The following BMPR2 variants were observed in gnomAD, a reference collection of about 807,000 sequenced individuals.
BMPR2 encodes the protein bone morphogenetic protein receptor type-2.
BMPR2 carries 29 observed loss-of-function variants against 100.8 expected under a neutral mutation model. The observed-to-expected ratio is 0.29, with a 90% CI of 0.21 to 0.39. BMPR2 has a LOEUF of 0.39. BMPR2 is among the 10% of genes least tolerant of loss of function. BMPR2 has a pLI of 1.00. For missense variants in BMPR2, 1,011 were observed against 1,274.5 expected, an observed-to-expected ratio of 0.79 and a Z score of 3.15; for synonymous variants, 382 against 442.3, an observed-to-expected ratio of 0.86 and a Z score of 1.71.
chr2:202,532,460 TA>T lies in BMPR2; in HGVS notation c.1129-123del. 1 of 1,201,216 alleles carries T rather than the reference TA, an allele frequency of 8.3e-7. No individual in the cohort carries two copies. Among genetic ancestry groups the T allele is most frequent in the East Asian group, 2.5e-5 (1 of 39,728 alleles). 74.4% of individuals were successfully genotyped at this position (1,201,216 alleles called of 1,614,324 possible). A position where few individuals can be genotyped will look rare whatever the true frequency, so the allele number is the denominator to read the frequency against. On this transcript the variant is annotated intron_variant, in intron 8 of 12. Coordinates refer to ENST00000374580, the MANE Select transcript of BMPR2 (RefSeq NM_001204.7). The surrounding 1 kb of genome is among the most constrained non-coding windows in gnomAD (Gnocchi z 4.1). ...GTAAAAAATAAGTTATAGAAAGGTT[TA>T]ATGACATGGTTAGGGTCAAATAACA...
intron 1 of BMPR2, among the ~76,000 whole-genome samples, chr2:202,435,122 G>A (rs1027983685): frequency 1.4e-5 from 2 of 144,694 alleles, no homozygotes; most frequent in Non-Finnish European, 3.0e-5. Flanking sequence ...CACTTTGGGA[G>A]GCCAAGGCAG....
chr2:202,450,457 C>T (rs183628891), intron 1 of BMPR2, among the ~76,000 whole-genome samples: 4 of 152,022 alleles, frequency 2.6e-5, no homozygotes, highest in Admixed American at 1.3e-4. Context: ...TTTGGGAGGC[C>T]GAGGCAGGTG....
intron 1 of BMPR2, among the ~76,000 whole-genome samples, chr2:202,382,631 C>G: frequency 6.6e-6 from 1 of 152,140 alleles, no homozygotes; most frequent in East Asian, 1.9e-4. Context: ...GAATTTCAAC[C>G]AGGAATATTC....
At chr2:202,398,418 A>C (rs1167709831) in intron 1 of BMPR2, among the ~76,000 whole-genome samples, 2 of 152,240 alleles carry the variant, frequency 1.3e-5, no homozygotes, top group African/African-American at 4.8e-5. Flanking sequence ...TGTGAAGCAA[A>C]TCGTGTGCTG....
intron 3 of BMPR2, among the ~76,000 whole-genome samples, chr2:202,510,767 GCCT>G (rs1035483795): frequency 6.6e-5 from 10 of 151,690 alleles, no homozygotes; most frequent in Non-Finnish European, 1.5e-4. Flanking sequence ...TACAATCTCT[GCCT>G]CCTGGGTTCA....
At position 202,564,520 on chromosome 2, in the gene BMPR2, G is replaced by A. The variant is rs1160838629; in HGVS notation, c.*4574G>A. On this transcript the variant is annotated 3_prime_UTR_variant, in exon 13 of 13. Coordinates refer to ENST00000374580, the MANE Select transcript of BMPR2 (RefSeq NM_001204.7). ...TGGCAGTTTACTCTCCAGCATATAA[G>A]GTTGCATTTTAACTTTTAGATTATG... 5 of 152,100 alleles carry A rather than the reference G, an allele frequency of 3.3e-5. No homozygotes were observed. The highest frequency in any genetic ancestry group is 7.4e-5 in the Non-Finnish European group (5 of 68,014). The allele number at this position is 152,100 out of a possible 1,614,324, so 9.4% of individuals were successfully genotyped here.
chr2:202,392,284 T>A (rs1358708368), intron 1 of BMPR2, among the ~76,000 whole-genome samples: 1 of 151,928 alleles, frequency 6.6e-6, no homozygotes, highest in Non-Finnish European at 1.5e-5. Context: ...TTGTCCAGGC[T>A]GGTCTGGAAC....
chr2:202,497,785 C>A (rs1458175029), intron 3 of BMPR2, among the ~76,000 whole-genome samples: 1 of 152,182 alleles, frequency 6.6e-6, no homozygotes, highest in Admixed American at 6.5e-5. Flanking sequence ...AAAATTGCTA[C>A]CTGTCTCTGG....
At chr2:202,517,567 G>T (rs898314803) in intron 5 of BMPR2, among the ~76,000 whole-genome samples, 1 of 151,776 alleles carries the variant, frequency 6.6e-6, no homozygotes, top group Non-Finnish European at 1.5e-5. Context: ...GGCCAGGCTG[G>T]TCTCAAACTC....
rs540315887 is a variant in BMPR2 at position 202,388,880 on chromosome 2, A to C, written c.76+11330A>C. Among the ~76,000 whole-genome samples, 27 of 151,946 alleles carry C rather than the reference A, an allele frequency of 1.8e-4. No individual in the cohort carries two copies. In the South Asian group the frequency reaches 5.6e-3, roughly 32 times the overall value. ...GCTTTATATTTCACATTACCCTTTT[A>C]ATGAAAATAGATTAAATTCAGTAAC... is the stretch of plus-strand genomic sequence containing the variant. On this transcript the variant is annotated intron_variant, in intron 1 of 12. Transcript: ENST00000374580.
intron 1 of BMPR2, among the ~76,000 whole-genome samples, chr2:202,461,977 C>A (rs1692234121): frequency 6.6e-6 from 1 of 152,008 alleles, no homozygotes; most frequent in South Asian, 2.1e-4. Context: ...AGGTTTGTTA[C>A]ATATGTGTGT....
intron 1 of BMPR2, among the ~76,000 whole-genome samples, chr2:202,460,110 CAT>C (rs1292595999): frequency 3.9e-5 from 6 of 152,168 alleles, no homozygotes; most frequent in African/African-American, 1.4e-4. Context: ...CAAAAAATAA[CAT>C]ATGCCAGGAA....
At chr2:202,448,191 T>C (rs1691893346) in intron 1 of BMPR2, among the ~76,000 whole-genome samples, 1 of 150,846 alleles carries the variant, frequency 6.6e-6, no homozygotes, top group Non-Finnish European at 1.5e-5. Flanking sequence ...GGCTCAAGCC[T>C]CTAATCCCAG....
intron 1 of BMPR2, among the ~76,000 whole-genome samples, chr2:202,446,974 A>G (rs1201088962): frequency 6.7e-6 from 1 of 148,814 alleles, no homozygotes; most frequent in African/African-American, 2.6e-5. Context: ...ATGCAGTTAC[A>G]TTATGCTGGT....
At chr2:202,395,167 C>T (rs551551292) in intron 1 of BMPR2, among the ~76,000 whole-genome samples, 1 of 152,322 alleles carries the variant, frequency 6.6e-6, no homozygotes, top group Non-Finnish European at 1.5e-5. Context: ...CAGGCATGCG[C>T]CACCACGCCT....
At chr2:202,475,811 C>A (rs1574468224) in intron 3 of BMPR2, among the ~76,000 whole-genome samples, 1 of 152,112 alleles carries the variant, frequency 6.6e-6, no homozygotes. Flanking sequence ...TGGCTCACGC[C>A]TGTAATCCCA....
chr2:202,413,810 G>T (rs545633276), intron 1 of BMPR2, among the ~76,000 whole-genome samples: 1 of 152,032 alleles, frequency 6.6e-6, no homozygotes, highest in African/African-American at 2.4e-5. Flanking sequence ...GACCACAGGC[G>T]TGCACTGCCA....
chr2:202,378,840 G>T (rs945779401), intron 1 of BMPR2, among the ~76,000 whole-genome samples: 1 of 152,024 alleles, frequency 6.6e-6, no homozygotes, highest in Non-Finnish European at 1.5e-5. Flanking sequence ...AAGCCATGTG[G>T]TTCCTGTAAA....
At chr2:202,427,321 C>T (rs1182557997) in intron 1 of BMPR2, among the ~76,000 whole-genome samples, 2 of 139,132 alleles carry the variant, frequency 1.4e-5, no homozygotes, top group Non-Finnish European at 3.0e-5. Flanking sequence ...GATCGCGCCA[C>T]TGCACTTCAG....
Sources: allele counts gnomAD v4.1 joint callset (sites outside exome capture counted in the v4.1 genomes callset), GRCh38; gene constraint gnomAD v4.1.1; non-coding constraint Gnocchi (gnomAD v3.1); transcripts MANE v1.5; gene names NCBI Gene and HGNC (gene_info 2026-07-23, HGNC 2026-07-21).